GRXCR2: variants seen among roughly 807,000 people sequenced by gnomAD.
GRXCR2 encodes glutaredoxin domain-containing cysteine-rich protein 2.
GRXCR2 carries 23 observed loss-of-function variants against 24.8 expected under a neutral mutation model. The observed-to-expected ratio is 0.93, with a 90% CI of 0.67 to 1.32. GRXCR2 has a LOEUF of 1.32. Ranked by LOEUF, GRXCR2 falls within the 40% of genes most tolerant of loss-of-function variation. The pLI is 0.00. For synonymous variants in GRXCR2, 130 were observed against 116.1 expected (o/e 1.12, Z -0.77); for missense variants, 315 against 303.4 (o/e 1.04, Z -0.28).
chr5:145,880,100 T>TAA (rs1265459544), intron 2 of GRXCR2, among the ~76,000 whole-genome samples: 1 of 152,030 alleles, frequency 6.6e-6, no homozygotes, highest in Non-Finnish European at 1.5e-5. Context: ...AGGAAAGATC[T>TAA]AAAATCAACA....
chr5:145,881,160 G>T (rs767639730), intron 2 of GRXCR2, among the ~76,000 whole-genome samples: 3 of 152,198 alleles, frequency 2.0e-5, no homozygotes, highest in South Asian at 4.1e-4. Flanking sequence ...ATTTAACATA[G>T]TGTTGGAAGT....
rs147318663 is a variant in GRXCR2, at chr5:145,918,014, G to A, written c.-70+17687C>T. 2.0e-3 allele frequency among the ~76,000 whole-genome samples: 308 copies of A among 152,240 alleles called. 1 individual carries two copies. Among genetic ancestry groups the A allele is most frequent in the African/African-American group, 7.0e-3 (291 of 41,544 alleles). ...AGGATGGTCTTGATCTCCTGACCTC[G>A]TGATCTGCCCACCTCGGCCTCCCAA... On this transcript the variant is annotated intron_variant, in intron 2 of 3. Transcript: ENST00000639411.
chr5:145,889,177 AAAG>A lies in GRXCR2; in HGVS notation c.-69-22452_-69-22450del, dbSNP rs1561683084. ...GACCGAGACTCTGTCTCAAAAAAAGAAAGAAAGAAAGAAAGAAAGAAAGAAAGA... is the reference window on the plus strand; with the variant it reads ...GACCGAGACTCTGTCTCAAAAAAAGAAAAGAAAGAAAGAAAGAAAGAAAGA... On this transcript the variant is annotated intron_variant, in intron 2 of 3. Coordinates refer to the GRXCR2 transcript ENST00000639411. Among the ~76,000 whole-genome samples, 541 of 86,354 alleles carry A rather than the reference AAAG, an allele frequency of 6.3e-3. 17 individuals are homozygous for A. The highest frequency in any genetic ancestry group is 0.021 in the African/African-American group (491 of 23,066). 56.7% of individuals were successfully genotyped at this position (86,354 alleles called of 152,430 possible).
At chr5:145,899,489 C>T (rs535634211) in intron 2 of GRXCR2, among the ~76,000 whole-genome samples, 1 of 152,256 alleles carries the variant, frequency 6.6e-6, no homozygotes, top group South Asian at 2.1e-4. Context: ...AGAGGCATCA[C>T]ATCACCTGAC....
intron 1 of GRXCR2, among the ~76,000 whole-genome samples, chr5:145,867,718 TA>T (rs1756460543): frequency 6.6e-6 from 1 of 152,216 alleles, no homozygotes; most frequent in Non-Finnish European, 1.5e-5. Context: ...CATGCTGAGA[TA>T]TTTAGTTGTG....
At chr5:145,916,775 A>G (rs1435878906) in intron 2 of GRXCR2, among the ~76,000 whole-genome samples, 5 of 152,204 alleles carry the variant, frequency 3.3e-5, no homozygotes, top group Admixed American at 1.3e-4. Flanking sequence ...TTAGTCTCTC[A>G]ATCTGTAAAG....
intron 2 of GRXCR2, among the ~76,000 whole-genome samples, chr5:145,925,811 G>GA (rs1424395181): frequency 6.6e-6 from 1 of 152,064 alleles, no homozygotes; most frequent in Non-Finnish European, 1.5e-5. Context: ...GTCAGTTATA[G>GA]AAAATCATTC....
chr5:145,867,653 T>G (rs73792706), intron 1 of GRXCR2, among the ~76,000 whole-genome samples: 2,096 of 152,316 alleles, frequency 0.014, 61 homozygotes, highest in African/African-American at 0.048. Flanking sequence ...ACTGCCTGAC[T>G]GCAGCATCTA....
Position 145,888,807 on chromosome 5 carries a change from C to T in GRXCR2, c.-69-22079G>A, listed in dbSNP as rs77326430. Among the ~76,000 whole-genome samples, 402 of 152,136 alleles carry T rather than the reference C, an allele frequency of 2.6e-3. 3 individuals are homozygous for T. Among genetic ancestry groups the T allele is most frequent in the African/African-American group, 8.9e-3 (368 of 41,470 alleles). On this transcript the variant is annotated intron_variant, in intron 2 of 3. Transcript: ENST00000639411. ...TTAAAAACATAAGTGAAGTTATACA[C>T]TCTGTGTGTGTATAGCTTTACAACT...
chr5:145,887,057 A>G (rs1283852415), intron 2 of GRXCR2, among the ~76,000 whole-genome samples: 2 of 152,264 alleles, frequency 1.3e-5, no homozygotes, highest in Admixed American at 1.3e-4. Context: ...TGAACTGATC[A>G]TCAATTTTAA....
intron 2 of GRXCR2, among the ~76,000 whole-genome samples, chr5:145,906,671 C>T (rs1470653374): frequency 6.6e-6 from 1 of 152,108 alleles, no homozygotes; most frequent in Non-Finnish European, 1.5e-5. Flanking sequence ...TGTGTTAATC[C>T]CTAAACAGTC....
In GRXCR2 at chr5:145,866,572, C is replaced by CATA. The variant is rs1181004680; in HGVS notation, c.490_492dup (p.Tyr164dup). ...GGTCTATCGTGCTGGTCCCTGCCTC[C>CATA]ATAGCTTTCTTCTTTGTTCATCAGA... On this transcript the variant is annotated inframe_insertion, in exon 2 of 3. Transcript: ENST00000377976. 6.2e-7 allele frequency: 1 copy of CATA among 1,614,064 alleles called. No individual in the cohort carries two copies. The highest frequency in any genetic ancestry group is 8.5e-7 in the Non-Finnish European group (1 of 1,180,028).
chr5:145,896,578 A>G (rs1255555836), intron 2 of GRXCR2, among the ~76,000 whole-genome samples: 3 of 152,196 alleles, frequency 2.0e-5, no homozygotes, highest in Non-Finnish European at 2.9e-5. Flanking sequence ...CAAAACCACA[A>G]TGAGATACCA....
At chr5:145,927,014 AT>A (rs1342166283) in intron 2 of GRXCR2, among the ~76,000 whole-genome samples, 2 of 152,088 alleles carry the variant, frequency 1.3e-5, no homozygotes, top group Non-Finnish European at 2.9e-5. Context: ...TTCACTCATG[AT>A]TTAGCTCTCT....
chr5:145,921,681 C>T lies in GRXCR2; in HGVS notation c.-70+14020G>A, dbSNP rs186773919. Among the ~76,000 whole-genome samples, 297 of 152,280 alleles carry T rather than the reference C, an allele frequency of 2.0e-3. 1 individual carries two copies. Among genetic ancestry groups the T allele is most frequent in the African/African-American group, 6.7e-3 (280 of 41,556 alleles). On this transcript the variant is annotated intron_variant, in intron 2 of 3. Coordinates refer to the GRXCR2 transcript ENST00000639411. ...ATGTTATGAATGGCTTTAACCAGCT[C>T]CTCACCCAAAATACATACACACCCT...
At chr5:145,862,198 T>C (rs1429410055) in intron 2 of GRXCR2, among the ~76,000 whole-genome samples, 1 of 152,196 alleles carries the variant, frequency 6.6e-6, no homozygotes, top group Admixed American at 6.5e-5. Context: ...CCTAACATAA[T>C]GCTATACATG....
At chr5:145,876,202 TATATATATATATATAC>T (rs1756613091), upstream of GRXCR2, among the ~76,000 whole-genome samples, 2 of 140,860 alleles carry the variant, frequency 1.4e-5, no homozygotes, top group African/African-American at 5.3e-5. Flanking sequence ...TATATATATA[TATATATATATATATAC>T]ACACACACAC....
chr5:145,876,841 A>T (rs1756626345), upstream of GRXCR2, among the ~76,000 whole-genome samples: 1 of 152,198 alleles, frequency 6.6e-6, no homozygotes, highest in Non-Finnish European at 1.5e-5. Flanking sequence ...AAATTGATAA[A>T]TCGAAAGCAG....
intron 2 of GRXCR2, among the ~76,000 whole-genome samples, chr5:145,885,171 T>C (rs1157015707): frequency 6.6e-6 from 1 of 152,016 alleles, no homozygotes. Flanking sequence ...ATGGCATTTT[T>C]CTTTGAAATA....
Sources: allele counts gnomAD v4.1 joint callset (sites outside exome capture counted in the v4.1 genomes callset), GRCh38; gene constraint gnomAD v4.1.1; transcripts MANE v1.5; gene names NCBI Gene and HGNC (gene_info 2026-07-23, HGNC 2026-07-21).